Variants in EGFLAM observed in about 807,000 individuals in gnomAD.
EGFLAM encodes the protein pikachurin.
A neutral mutation model predicts 113.1 loss-of-function variants in EGFLAM; 79 were observed. The observed-to-expected ratio is 0.70, with a 90% CI of 0.58 to 0.84. The LOEUF is 0.84. Ranked by LOEUF, EGFLAM falls within the 40% of genes least tolerant of loss-of-function variation. EGFLAM has a pLI of 0.00. For synonymous variants in EGFLAM, 504 were observed against 487.6 expected (o/e 1.03, Z -0.44); for missense variants, 1,265 against 1,291.6 (o/e 0.98, Z 0.32).
chr5:38,396,063 T>TTTTTTTTTTTTTTTTTTTTTTGAGACGG (rs1482050151), intron 6 of EGFLAM, among the ~76,000 whole-genome samples: 51 of 152,054 alleles, frequency 3.4e-4, no homozygotes, highest in Non-Finnish European at 5.6e-4. Context: ...ACCCACTCTT[T>TTTTTTTTTTTTTTTTTTTTTTGAGACGG]AAAAGCCTCC....
In EGFLAM at chr5:38,385,144, A is replaced by G. The variant is rs140586645; in HGVS notation, c.712+14682A>G. ...AAATTAACTGACATTTAAAAAAACA[A>G]CTATTTATCAAACTTTTTTGGACTA... is the stretch of plus-strand genomic sequence containing the variant. On this transcript the variant is annotated intron_variant, in intron 6 of 21. Coordinates refer to ENST00000322350, the MANE Select transcript of EGFLAM (RefSeq NM_152403.4). Among the ~76,000 whole-genome samples the G allele has an allele frequency of 6.0e-4, 92 of 152,242 alleles. 1 individual carries two copies. In the South Asian group the frequency reaches 0.013, roughly 22 times the overall value.
At chr5:38,451,641 G>T in intron 19 of EGFLAM, 183 bp downstream of exon 19, 1 of 887,822 alleles carries the variant, frequency 1.1e-6, no homozygotes, top group Non-Finnish European at 1.6e-6. Flanking sequence ...TAGAGCAGCA[G>T]TCAGCAAACT....
chr5:38,356,600 C>A lies in EGFLAM; in HGVS notation c.545+4269C>A, dbSNP rs142303574. On this transcript the variant is annotated intron_variant, in intron 5 of 21. Transcript: ENST00000322350. ...TCCCCATGTCCTTTCATGTTTGTGA[C>A]CCACCTTCAGAGATGGAAGCTTAGA... 5.0e-4 allele frequency among the ~76,000 whole-genome samples: 76 copies of A among 152,314 alleles called. No individual in the cohort carries two copies. The East Asian group carries it at 9.2e-3, about 19-fold the overall frequency.
chr5:38,352,555 G>A (rs1393113720), intron 5 of EGFLAM, among the ~76,000 whole-genome samples: 2 of 151,716 alleles, frequency 1.3e-5, no homozygotes, highest in East Asian at 3.9e-4. Flanking sequence ...GCTGAGGCAG[G>A]AGAAATGCTT....
intron 16 of EGFLAM, among the ~76,000 whole-genome samples, chr5:38,437,462 C>T (rs920059213): frequency 1.1e-4 from 16 of 152,148 alleles, no homozygotes; most frequent in Non-Finnish European, 1.3e-4. Flanking sequence ...GTTTGACTTC[C>T]GCCTCCGTAA....
intron 6 of EGFLAM, 32 bp downstream of exon 6, chr5:38,370,494 G>C: frequency 6.2e-7 from 1 of 1,602,854 alleles, no homozygotes; most frequent in Non-Finnish European, 8.5e-7. Flanking sequence ...AGGGACCAAG[G>C]GAGCTGCATA....
intron 3 of EGFLAM, among the ~76,000 whole-genome samples, chr5:38,347,881 A>G (rs1490729288): frequency 6.6e-6 from 1 of 152,110 alleles, no homozygotes; most frequent in Non-Finnish European, 1.5e-5. Context: ...GCCCATTGTC[A>G]TATTTATGAG....
At chr5:38,412,753 T>A (rs908378967) in intron 11 of EGFLAM, 105 bp downstream of exon 11, 2 of 1,466,516 alleles carry the variant, frequency 1.4e-6, no homozygotes, top group Admixed American at 4.9e-5. Flanking sequence ...AGGATTCAAG[T>A]TCTGGATGGG....
chr5:38,462,897 G>A lies in EGFLAM; in HGVS notation c.2772-11G>A. ...AGGCTTTTTGTTCTTTTTTGTTTTG[G>A]TGTTTTGCAGGGATGGCCAGTCAGG... On this transcript the variant is annotated splice_polypyrimidine_tract_variant and intron_variant, in intron 20 of 21. Transcript: ENST00000322350. 6.2e-7 allele frequency: 1 copy of A among 1,613,596 alleles called. No homozygotes were observed. Among genetic ancestry groups the A allele is most frequent in the Non-Finnish European group, 8.5e-7 (1 of 1,179,778 alleles).
intron 1 of EGFLAM, among the ~76,000 whole-genome samples, chr5:38,264,180 CTGGAGAACTGCACA>C (rs542711069): frequency 1.1e-4 from 16 of 152,244 alleles, no homozygotes; most frequent in African/African-American, 3.9e-4. Context: ...ACTAGGGGGG[CTGGAGAACTGCACA>C]TGGGTCCTGC....
chr5:38,432,413 T>C (rs1200887978), intron 15 of EGFLAM, among the ~76,000 whole-genome samples: 2 of 150,298 alleles, frequency 1.3e-5, no homozygotes, highest in East Asian at 2.0e-4. Context: ...GAATCCCAAA[T>C]TGGGTTCTGT....
At chr5:38,402,720 G>A (rs769283216) in intron 6 of EGFLAM, among the ~76,000 whole-genome samples, 34 of 152,310 alleles carry the variant, frequency 2.2e-4, no homozygotes, top group Middle Eastern at 3.4e-3. Context: ...ATCATGTTAA[G>A]CACCCAATAG....
chr5:38,302,185 C>T (rs924990940), intron 1 of EGFLAM, among the ~76,000 whole-genome samples: 3 of 148,088 alleles, frequency 2.0e-5, no homozygotes, highest in Non-Finnish European at 4.4e-5. Context: ...TGCAGTGAGC[C>T]GAGATAGTGC....
rs574817175 is a variant in EGFLAM at position 38,373,883 on chromosome 5, G to A, written c.712+3421G>A. On this transcript the variant is annotated intron_variant, in intron 6 of 21. Coordinates refer to ENST00000322350, the MANE Select transcript of EGFLAM (RefSeq NM_152403.4). ...ACTAATTTGCATTCCCATGAACAGC[G>A]TATAAGCCTACCCTTTTCTCCACAG... 9.2e-5 allele frequency among the ~76,000 whole-genome samples: 14 copies of A among 152,256 alleles called. No homozygotes were observed. In the East Asian group the frequency reaches 9.7e-4, roughly 11 times the overall value.
Position 38,412,659 on chromosome 5 carries a change from GC to G in EGFLAM, c.1494+15del. Reference sequence around the variant, plus strand: ...ACAGGCCAGTCTCAGGTATGTATGAGCCCCACACCCTGCCCACCCCACATAC... The same window carrying G: ...ACAGGCCAGTCTCAGGTATGTATGAGCCCACACCCTGCCCACCCCACATAC... On this transcript the variant is annotated intron_variant, in intron 11 of 21. Transcript: ENST00000322350. The G allele has an allele frequency of 6.2e-7, 1 of 1,612,686 alleles. No individual in the cohort carries two copies. Among genetic ancestry groups the G allele is most frequent in the Non-Finnish European group, 8.5e-7 (1 of 1,179,822 alleles).
Position 38,451,309 on chromosome 5 carries a change from C to T in EGFLAM, c.2544-6C>T, listed in dbSNP as rs199710081. The T allele has an allele frequency of 7.0e-5, 113 of 1,611,304 alleles. No individual in the cohort carries two copies. The East Asian group carries it at 2.2e-3, about 32-fold the overall frequency. On this transcript the variant is annotated splice_region_variant and splice_polypyrimidine_tract_variant and intron_variant, in intron 18 of 21. Transcript: ENST00000322350. ...TTTGGTGGACTTATTTGTGTATTTC[C>T]TCCAGGGTGTCAGGATCAAGATCAA...
chr5:38,288,205 TA>T (rs1040261350), intron 1 of EGFLAM, among the ~76,000 whole-genome samples: 25 of 152,230 alleles, frequency 1.6e-4, no homozygotes, highest in Admixed American at 3.3e-4. Context: ...TCTGCAGATT[TA>T]AAAAAACTGT....
At chr5:38,350,755 C>A in intron 4 of EGFLAM, 137 bp downstream of exon 4, 1 of 761,816 alleles carries the variant, frequency 1.3e-6, no homozygotes, top group Non-Finnish European at 2.1e-6. Flanking sequence ...CAAAAGTAAG[C>A]ACAGCTCCCG....
At chr5:38,310,485 C>G (rs1738404699) in intron 1 of EGFLAM, among the ~76,000 whole-genome samples, 1 of 152,146 alleles carries the variant, frequency 6.6e-6, no homozygotes, top group Non-Finnish European at 1.5e-5. Context: ...TAAAATTATT[C>G]TTTAGCTATT....
Sources: gnomAD v4.1 joint callset for allele counts (sites outside exome capture counted in the v4.1 genomes callset) on GRCh38, gnomAD v4.1.1 for gene constraint, MANE v1.5 for transcripts, NCBI Gene and HGNC (gene_info 2026-07-23, HGNC 2026-07-21) for gene names.